Variants in ARPC2 observed in about 807,000 individuals in gnomAD.
ARPC2 encodes the protein actin related protein 2/3 complex subunit 2.
Under a neutral mutation model 38.6 loss-of-function variants are expected in ARPC2, and 4 were observed. The observed-to-expected ratio is 0.10, with a 90% confidence interval of 0.05 to 0.24. The LOEUF (loss-of-function observed/expected upper bound fraction) is 0.24, where lower values mean the gene tolerates loss of function less well. Among genes scored for constraint, ARPC2 ranks in the 10% least tolerant of loss-of-function variants. The probability of loss-of-function intolerance (pLI) is 1.00; values close to 1 mark genes in which losing one functional copy is unlikely to be tolerated. For synonymous variants in ARPC2, 125 were observed against 140.8 expected, an observed-to-expected ratio of 0.89 and a Z score of 0.79; for missense variants, 229 against 387.3, an observed-to-expected ratio of 0.59 and a Z score of 3.43.
chr2:218,250,315 A>C (rs1174338418), intron 10 of ARPC2, among the ~76,000 whole-genome samples: 1 of 152,106 alleles, frequency 6.6e-6, no homozygotes, highest in African/African-American at 2.4e-5. Flanking sequence ...TTCCTGGTCC[A>C]CTCTCAGCAG....
At position 218,249,822 on chromosome 2, in the gene ARPC2, C is replaced by T. The variant is rs1473278974; in HGVS notation, c.779C>T (p.Ala260Val). Residue 260 changes from alanine to valine, a missense_variant and splice_region_variant, in exon 10 of 11, where the codon GCC becomes GTC. By Grantham distance (64) the Ala-to-Val change is moderately conservative (BLOSUM62 0). Coordinates refer to ENST00000315717, the MANE Select transcript of ARPC2 (RefSeq NM_152862.3). ...AGTACCTGTTATGTTTGTTCCCAGG[C>T]CTATATTCACACACGTATGCGGGCG... is the stretch of plus-strand genomic sequence containing the variant. ...YLHYHIKCSKAYIHTRMRAKT... is the reference protein window; with the variant it reads ...YLHYHIKCSKVYIHTRMRAKT... 1 of 1,612,818 alleles carries T rather than the reference C, an allele frequency of 6.2e-7. No individual in the cohort carries two copies. The highest frequency in any genetic ancestry group is 8.5e-7 in the Non-Finnish European group (1 of 1,179,232).
intron 6 of ARPC2, 69 bp from the exon 7 acceptor site, chr2:218,239,322 G>C: frequency 9.1e-7 from 1 of 1,101,414 alleles, no homozygotes; most frequent in South Asian, 1.3e-5. Context: ...TGATGTACTT[G>C]TAGATCAAGT....
At chr2:218,217,337 T>A (rs1574570932) in intron 1 of ARPC2, 83 bp downstream of exon 1, 9 of 660,028 alleles carry the variant, frequency 1.4e-5, no homozygotes, top group Non-Finnish European at 2.2e-5. Context: ...CCCCGGCCCC[T>A]CTCCCCTTCT....
At position 218,225,935 on chromosome 2, in the gene ARPC2, A is replaced by C; in HGVS notation, c.90A>C (p.Ala30=). 2 of 1,613,802 alleles carry C rather than the reference A, an allele frequency of 1.2e-6. No homozygotes were observed. The highest frequency in any genetic ancestry group is 1.7e-6 in the Non-Finnish European group (2 of 1,179,734). Residue 30 remains alanine (A), a synonymous_variant, in exon 3 of 11, where the codon GCA becomes GCC. Coordinates refer to ENST00000315717, the MANE Select transcript of ARPC2 (RefSeq NM_152862.3). ...TTGTTTACAGAAACAAACCGGAAGCAGTAGAAGTAACATTTGCAGGTAAGC... is the reference window on the plus strand; with the variant it reads ...TTGTTTACAGAAACAAACCGGAAGCCGTAGAAGTAACATTTGCAGGTAAGC... ...ENAAAGNKPE[A]VEVTFADFDG... is the part of the protein sequence containing the mutation.
chr2:218,232,462 G>T (rs1361003215), intron 4 of ARPC2, among the ~76,000 whole-genome samples: 1 of 152,032 alleles, frequency 6.6e-6, no homozygotes, highest in Non-Finnish European at 1.5e-5. Flanking sequence ...CCAAGAGCGT[G>T]GCACCAGCAT....
chr2:218,226,480 T>C (rs57674675), intron 3 of ARPC2, among the ~76,000 whole-genome samples: 3,823 of 151,366 alleles, frequency 0.025, 137 homozygotes, highest in African/African-American at 0.086. Context: ...ATACAAAAAA[T>C]TAGCTGGGCA....
At chr2:218,241,261 T>C (rs1194133223) in intron 7 of ARPC2, among the ~76,000 whole-genome samples, 2 of 152,216 alleles carry the variant, frequency 1.3e-5, no homozygotes, top group Admixed American at 1.3e-4. Flanking sequence ...TCTTCAAAAG[T>C]GATATTCTCA....
chr2:218,249,745 C>A (rs1690136532), intron 9 of ARPC2, 76 bp from the exon 10 acceptor site: 1 of 1,409,848 alleles, frequency 7.1e-7, no homozygotes, highest in African/African-American at 1.4e-5. Flanking sequence ...CCCTTGATGA[C>A]CTCTCTGATG....
chr2:218,225,033 G>A (rs892054005), intron 2 of ARPC2, among the ~76,000 whole-genome samples: 1 of 152,150 alleles, frequency 6.6e-6, no homozygotes, highest in Non-Finnish European at 1.5e-5. Flanking sequence ...GAATCATTGA[G>A]TTTACAGGTA....
intron 7 of ARPC2, among the ~76,000 whole-genome samples, chr2:218,240,617 C>G (rs537159633): frequency 1.3e-5 from 2 of 152,076 alleles, no homozygotes; most frequent in African/African-American, 2.4e-5. Flanking sequence ...AGAGGCCAGG[C>G]GCGGTGGCTG....
intron 7 of ARPC2, among the ~76,000 whole-genome samples, chr2:218,243,972 C>T (rs1410146770): frequency 6.6e-6 from 1 of 152,184 alleles, no homozygotes; most frequent in African/African-American, 2.4e-5. Context: ...AAAATGCCAA[C>T]AGTTACGTAT....
intron 5 of ARPC2, among the ~76,000 whole-genome samples, chr2:218,237,767 A>G (rs1689809198): frequency 6.6e-6 from 1 of 150,694 alleles, no homozygotes; most frequent in South Asian, 2.1e-4. Context: ...GGGTTTTGCC[A>G]TGTTGGCCAG....
At chr2:218,218,170 C>CAATTA (rs1394662888) in intron 2 of ARPC2, among the ~76,000 whole-genome samples, 2 of 150,970 alleles carry the variant, frequency 1.3e-5, no homozygotes, top group African/African-American at 2.4e-5. Context: ...AAAGCAAAGC[C>CAATTA]AATTGTCCCT....
intron 2 of ARPC2, among the ~76,000 whole-genome samples, chr2:218,218,346 A>C (rs987761111): frequency 1.4e-4 from 21 of 152,240 alleles, no homozygotes; most frequent in Non-Finnish European, 2.6e-4. Flanking sequence ...TCCAGAATCT[A>C]TAAAGTTCTT....
chr2:218,222,213 G>A (rs944048258), intron 2 of ARPC2, among the ~76,000 whole-genome samples: 1 of 152,142 alleles, frequency 6.6e-6, no homozygotes, highest in Admixed American at 6.5e-5. Flanking sequence ...GTTGCAGTGA[G>A]CAGAGGTGGC....
chr2:218,235,409 GGAGGTCTCAAA>G, intron 5 of ARPC2: 1 of 152,510 alleles, frequency 6.6e-6, no homozygotes, highest in South Asian at 2.1e-4. Context: ...AACAGAGTAA[GGAGGTCTCAAA>G]CTCCTAGCCT....
Position 218,226,944 on chromosome 2 carries a change from C to T in ARPC2, c.109+990C>T, listed in dbSNP as rs193197251. 3.1e-5 allele frequency: 14 copies of T among 454,198 alleles called. 1 individual carries two copies. The highest frequency in any genetic ancestry group is 2.8e-4 in the Admixed American group (12 of 42,474). 28.1% of individuals were successfully genotyped at this position (454,198 alleles called of 1,614,324 possible). ...TTCATCAAGTCAGAGAGAGATGTTGCTGCTTTCTGTTCCCTATAAAGAATT... is the reference window on the plus strand; with the variant it reads ...TTCATCAAGTCAGAGAGAGATGTTGTTGCTTTCTGTTCCCTATAAAGAATT... On this transcript the variant is annotated intron_variant, in intron 3 of 10. Transcript: ENST00000315717.
At chr2:218,220,844 G>A (rs1349023583) in intron 2 of ARPC2, among the ~76,000 whole-genome samples, 1 of 152,092 alleles carries the variant, frequency 6.6e-6, no homozygotes, top group Non-Finnish European at 1.5e-5. Context: ...GTGGCTTATT[G>A]AAACAACTCA....
chr2:218,238,924 G>C, intron 6 of ARPC2, 74 bp downstream of exon 6: 1 of 1,242,174 alleles, frequency 8.1e-7, no homozygotes, highest in Non-Finnish European at 1.1e-6. Context: ...AAGAAATATG[G>C]CTTGGTCAAA....
Sources: allele counts gnomAD v4.1 joint callset (sites outside exome capture counted in the v4.1 genomes callset), GRCh38; gene constraint gnomAD v4.1.1; transcripts MANE v1.5; gene names NCBI Gene and HGNC (gene_info 2026-07-23, HGNC 2026-07-21).